Variants in THSD1 observed in about 807,000 individuals in gnomAD.
THSD1 encodes thrombospondin type-1 domain-containing protein 1.
Under a neutral mutation model 46.3 loss-of-function variants are expected in THSD1, and 34 were observed. The observed-to-expected ratio is 0.74, with a 90% confidence interval of 0.56 to 0.98. The LOEUF is 0.98. Ranked by LOEUF, THSD1 falls within the 50% of genes least tolerant of loss-of-function variation. THSD1 has a pLI of 0.00. For synonymous variants in THSD1, 407 were observed against 416.5 expected (o/e 0.98, Z 0.28); for missense variants, 1,023 against 1,058.3 (o/e 0.97, Z 0.46).
chr13:52,388,482 T>G (rs1400475708), intron 3 of THSD1, among the ~76,000 whole-genome samples: 1 of 152,134 alleles, frequency 6.6e-6, no homozygotes, highest in Non-Finnish European at 1.5e-5. Flanking sequence ...ATTATTTGTT[T>G]TGTTTTTGTT....
rs759689021 is a variant in THSD1, at chr13:52,397,582, C to T, written c.671G>A (p.Arg224Gln). The change falls in exon 3 of 5, where the codon CGA becomes CAA. Residue 224 changes from arginine to glutamine, a missense_variant. Physicochemically the swap from Arg to Gln is conservative, Grantham distance 43. Transcript: ENST00000258613. ...TCCTGTGGAGGTAATGACTGAGTCT[C>T]GCCCAAGCAGCTTCAGCACCACGGT... ...YVTVVLKLLGRDSVITSTGPI... is the reference protein window; with the variant it reads ...YVTVVLKLLGQDSVITSTGPI... 1.7e-5 allele frequency: 28 copies of T among 1,614,060 alleles called. No homozygotes were observed. Among genetic ancestry groups the T allele is most frequent in the East Asian group, 4.5e-5 (2 of 44,884 alleles).
rs372242624 is a variant in THSD1 at position 52,403,535 on chromosome 13, A to G, written c.-81-854T>C. The stretch of plus-strand genomic sequence containing the variant: ...CTCACTCTGTCGCCTAGGCTGGAGT[A>G]CAGTGGCGAGATCTCGGCTCACTGC... On this transcript the variant is annotated intron_variant, in intron 1 of 4. Coordinates refer to ENST00000258613, the MANE Select transcript of THSD1 (RefSeq NM_018676.4). Among the ~76,000 whole-genome samples the G allele has an allele frequency of 1.2e-4, 18 of 152,260 alleles. No homozygotes were observed. The East Asian group carries it at 2.9e-3, about 25-fold the overall frequency.
chr13:52,402,710 C>G, intron 1 of THSD1, 29 bp from the exon 2 acceptor site: 9 of 1,525,000 alleles, frequency 5.9e-6, no homozygotes, highest in Non-Finnish European at 7.9e-6. Context: ...AAAATGATGG[C>G]TCCGTTCAAT....
chr13:52,377,746 C>G lies in THSD1; in HGVS notation c.2224G>C (p.Asp742His), dbSNP rs184474967. The G allele has an allele frequency of 2.9e-4, 473 of 1,614,026 alleles. 7 individuals are homozygous for G. The East Asian group carries it at 9.7e-3, about 33-fold the overall frequency. ...CCGGCCACTAATCCTGCCTGGTGATCCCCAAGGTCTGGTTTCCTCAAGGGC... is the reference window on the plus strand; with the variant it reads ...CCGGCCACTAATCCTGCCTGGTGATGCCCAAGGTCTGGTTTCCTCAAGGGC... ...GQPLRKPDLG[D>H]HQAGLVAGIE... Residue 742 changes from aspartate to histidine, a missense_variant, in exon 5 of 5, where the codon GAT becomes CAT. Physicochemically the swap from Asp to His is moderately conservative, Grantham distance 81. Coordinates refer to ENST00000258613, the MANE Select transcript of THSD1 (RefSeq NM_018676.4).
intron 1 of THSD1, chr13:52,403,081 C>T (rs551302865): frequency 1.4e-5 from 7 of 510,026 alleles, no homozygotes; most frequent in Non-Finnish European, 1.5e-5. Context: ...TTCTGCTAAA[C>T]TTTAATTTAG....
At chr13:52,382,761 G>T (rs775082827) in intron 4 of THSD1, among the ~76,000 whole-genome samples, 16 of 152,132 alleles carry the variant, frequency 1.1e-4, no homozygotes, top group Non-Finnish European at 2.1e-4. Context: ...AGCACTTTGG[G>T]AGGCTGAAGT....
intron 1 of THSD1, chr13:52,402,890 G>A: frequency 3.0e-6 from 3 of 985,232 alleles, no homozygotes; most frequent in Non-Finnish European, 3.6e-6. Context: ...GAATATGCAG[G>A]TATGCCCAAC....
chr13:52,377,604 G>C lies in THSD1; in HGVS notation c.2366C>G (p.Ser789Cys), dbSNP rs536600319. 1 of 1,605,370 alleles carries C rather than the reference G, an allele frequency of 6.2e-7. No homozygotes were observed. Among genetic ancestry groups the C allele is most frequent in the South Asian group, 1.1e-5 (1 of 90,260 alleles). Residue 789 changes from serine to cysteine, a missense_variant, in exon 5 of 5, where the codon TCT (serine) becomes TGT (cysteine). By Grantham distance (112) the Ser-to-Cys change is moderately radical. Around this residue, in one of 3 missense-constraint regions of THSD1, gnomAD observed 578 missense variants for 497.4 expected, o/e 1.16. Coordinates refer to ENST00000258613, the MANE Select transcript of THSD1 (RefSeq NM_018676.4). ...TTTTCTACACTGAGAAGGGCTCAGA[G>C]AACTGACCCTCTGGTAGTTATCTTT... ...SPKDNYQRVS[S>C]LSPSQCRKDK...
At chr13:52,380,681 C>T (rs2137724371) in intron 4 of THSD1, among the ~76,000 whole-genome samples, 1 of 152,114 alleles carries the variant, frequency 6.6e-6, no homozygotes. Flanking sequence ...ATCTCCTGAC[C>T]TCGTGATCTG....
At chr13:52,401,581 G>A (rs1264343098) in intron 2 of THSD1, among the ~76,000 whole-genome samples, 1 of 152,196 alleles carries the variant, frequency 6.6e-6, no homozygotes, top group African/African-American at 2.4e-5. Flanking sequence ...TTACAGGCAT[G>A]AGCCACCGCG....
intron 2 of THSD1, among the ~76,000 whole-genome samples, chr13:52,399,663 G>C (rs754075547): frequency 2.6e-5 from 4 of 152,202 alleles, no homozygotes; most frequent in Non-Finnish European, 5.9e-5. Context: ...TGACTTGAAT[G>C]CTTGATTATC....
At chr13:52,400,573 G>A (rs576139643) in intron 2 of THSD1, among the ~76,000 whole-genome samples, 4 of 152,124 alleles carry the variant, frequency 2.6e-5, no homozygotes, top group Non-Finnish European at 4.4e-5. Flanking sequence ...ACTCCAACCC[G>A]GGCCGACAAC....
At chr13:52,398,273 T>G (rs1849738794) in intron 2 of THSD1, 79 bp from the exon 3 acceptor site, 2 of 1,515,440 alleles carry the variant, frequency 1.3e-6, no homozygotes, top group Non-Finnish European at 1.8e-6. Flanking sequence ...AAAACAGAAT[T>G]TTTAAATTTT....
rs575957772 is a variant in THSD1, at chr13:52,385,495, C to T, written c.1180+533G>A. On this transcript the variant is annotated intron_variant, in intron 4 of 4. Coordinates refer to ENST00000258613, the MANE Select transcript of THSD1 (RefSeq NM_018676.4). ...AGAAGATACAGGAAAGGCCAGTCTT[C>T]GGATGACAGCATGAAGAAATGTCCC... Among the ~76,000 whole-genome samples, 29 of 152,260 alleles carry T rather than the reference C, an allele frequency of 1.9e-4. No individual in the cohort carries two copies. In the South Asian group the frequency reaches 4.8e-3, roughly 25 times the overall value.
At chr13:52,405,612 G>A (rs1013977758) in intron 1 of THSD1, among the ~76,000 whole-genome samples, 2 of 152,168 alleles carry the variant, frequency 1.3e-5, no homozygotes, top group African/African-American at 4.8e-5. Flanking sequence ...GTTCACGCCT[G>A]GAAGTCTACC....
At chr13:52,383,968 C>A in intron 4 of THSD1, 1 of 193,390 alleles carries the variant, frequency 5.2e-6, no homozygotes, top group African/African-American at 2.4e-5. Flanking sequence ...TTTGGGAGGC[C>A]GAGGCAGGCG....
At chr13:52,401,070 G>C (rs1028955834) in intron 2 of THSD1, among the ~76,000 whole-genome samples, 2 of 152,078 alleles carry the variant, frequency 1.3e-5, no homozygotes, top group Non-Finnish European at 2.9e-5. Context: ...CGCCTCCCGG[G>C]TTCAAGTGAT....
rs1957826382 is a variant in THSD1, at chr13:52,398,180, C to T, written c.73G>A (p.Glu25Lys). 5 of 1,611,826 alleles carry T rather than the reference C, an allele frequency of 3.1e-6. No individual in the cohort carries two copies. The highest frequency in any genetic ancestry group is 4.2e-6 in the Non-Finnish European group (5 of 1,178,470). Residue 25 changes from glutamate (E) to lysine (K), a missense_variant, in exon 3 of 5, where the codon GAA becomes AAA. By Grantham distance (56) the Glu-to-Lys change is moderately conservative. Coordinates refer to ENST00000258613, the MANE Select transcript of THSD1 (RefSeq NM_018676.4). ...VLCDYVLGEA[E>K]YLLLREPGHV... The stretch of plus-strand genomic sequence containing the variant: ...CCTGGCTCTCTCAAGAGAAGATATT[C>T]AGCTTCTCCAAGAACTGAAATGAAG...
chr13:52,378,221 G>C lies in THSD1; in HGVS notation c.1749C>G (p.Asn583Lys), dbSNP rs766428712. 2 of 1,614,238 alleles carry C rather than the reference G, an allele frequency of 1.2e-6. No homozygotes were observed. Among genetic ancestry groups the C allele is most frequent in the Admixed American group, 3.3e-5 (2 of 60,020 alleles). Residue 583 changes from asparagine to lysine, a missense_variant, in exon 5 of 5, where the codon AAC becomes AAG. This residue lies in a region of THSD1 where 578 missense variants were observed against 497.4 expected (regional missense o/e 1.16). Transcript: ENST00000258613. ...GAAATGGGGATTTGATCCGGAACTT[G>C]TTTGCTGCAGCTTCTTCCGGGCTTT... ...DLESPEEAAA[N>K]KFRIKSPFPE... is the part of the protein sequence containing the mutation.
Sources: gnomAD v4.1 joint callset for allele counts (sites outside exome capture counted in the v4.1 genomes callset) on GRCh38, gnomAD v4.1.1 for gene constraint, gnomAD v4.1.1 regional missense constraint, MANE v1.5 for transcripts, NCBI Gene and HGNC (gene_info 2026-07-23, HGNC 2026-07-21) for gene names.